The following NRXN3 variants were observed in gnomAD, a reference collection of about 807,000 sequenced individuals.
NRXN3 encodes the protein neurexin 3, also known as neurexin III.
In NRXN3, 32 loss-of-function variants were observed where a neutral mutation model predicts 137.6. The observed-to-expected ratio is 0.23, with a 90% confidence interval of 0.18 to 0.31. The LOEUF (loss-of-function observed/expected upper bound fraction) is 0.31, where lower values mean the gene tolerates loss of function less well. NRXN3 is among the 10% of genes least tolerant of loss of function. NRXN3 has a pLI of 1.00. For synonymous variants in NRXN3, 798 were observed against 784.5 expected (o/e 1.02, Z -0.29); for missense variants, 1,574 against 2,062.5 (o/e 0.76, Z 4.59).
intron 15 of NRXN3, among the ~76,000 whole-genome samples, chr14:79,319,273 C>A (rs74069728): frequency 6.6e-6 from 1 of 152,100 alleles, no homozygotes; most frequent in Non-Finnish European, 1.5e-5. Context: ...AAAATTCTGA[C>A]TGATCATTTC....
In NRXN3 at chr14:79,866,825, A is replaced by T. The variant is rs930244797; in HGVS notation, c.*4861A>T. 6.6e-6 allele frequency: 1 copy of T among 152,202 alleles called. No individual in the cohort carries two copies. The highest frequency in any genetic ancestry group is 1.5e-5 in the Non-Finnish European group (1 of 68,044). The allele number at this position is 152,202 out of a possible 1,614,324, so 9.4% of individuals were successfully genotyped here. ...TGGGATCAGAAACTGACATATTGCTACAGAGGTTACAAAAGCTGTAGTCAG... is the reference window on the plus strand; with the variant it reads ...TGGGATCAGAAACTGACATATTGCTTCAGAGGTTACAAAAGCTGTAGTCAG... On this transcript the variant is annotated 3_prime_UTR_variant, in exon 21 of 21. Coordinates refer to ENST00000335750, the MANE Select transcript of NRXN3 (RefSeq NM_001330195.2).
intron 15 of NRXN3, among the ~76,000 whole-genome samples, chr14:79,162,108 GT>G (rs3035610): frequency 0.44 from 65,187 of 147,290 alleles, 15,286 homozygotes; most frequent in African/African-American, 0.58. Context: ...TTTTGTTTTT[GT>G]TTTTTTTTTT....
chr14:79,126,745 G>A (rs1291275220), intron 15 of NRXN3, among the ~76,000 whole-genome samples: 13 of 152,206 alleles, frequency 8.5e-5, no homozygotes, highest in South Asian at 6.2e-4. Flanking sequence ...CTGAGGAATC[G>A]CCACACTGAC....
chr14:78,568,659 C>A (rs1425096754), intron 4 of NRXN3, among the ~76,000 whole-genome samples: 1 of 152,184 alleles, frequency 6.6e-6, no homozygotes, highest in Non-Finnish European at 1.5e-5. Flanking sequence ...ATCTTACAAG[C>A]AATATGTCTT....
chr14:79,452,344 G>A (rs1419096027), intron 15 of NRXN3, among the ~76,000 whole-genome samples: 1 of 152,128 alleles, frequency 6.6e-6, no homozygotes, highest in African/African-American at 2.4e-5. Flanking sequence ...AGACTGGTGT[G>A]TCTGAATACA....
chr14:78,586,289 T>TAAGAGGCAA (rs2097061485), intron 4 of NRXN3, among the ~76,000 whole-genome samples: 2 of 152,150 alleles, frequency 1.3e-5, no homozygotes, highest in Admixed American at 1.3e-4. Flanking sequence ...ATCAAGGAGA[T>TAAGAGGCAA]AAGAGGCATC....
rs540082435 is a variant in NRXN3 at position 79,349,300 on chromosome 14, A to T, written c.3263-117921A>T. ...CTTTTGTAAGGTCTCCGGAATCTTT[A>T]AAAAAAATCTATTTAATTATTGATA... is the stretch of plus-strand genomic sequence containing the variant. On this transcript the variant is annotated intron_variant, in intron 15 of 20. Transcript: ENST00000335750. 3.5e-5 allele frequency among the ~76,000 whole-genome samples: 5 copies of T among 144,866 alleles called. No homozygotes were observed. In the East Asian group the frequency reaches 5.8e-4, roughly 17 times the overall value.
intron 17 of NRXN3, among the ~76,000 whole-genome samples, chr14:79,675,065 G>A (rs1378876431): frequency 2.0e-5 from 3 of 151,994 alleles, no homozygotes; most frequent in Non-Finnish European, 4.4e-5. Context: ...CCATTTTAGA[G>A]ATGAGGAAAC....
chr14:78,358,084 A>T (rs2084595089), intron 4 of NRXN3, among the ~76,000 whole-genome samples: 4 of 151,960 alleles, frequency 2.6e-5, no homozygotes, highest in Non-Finnish European at 1.5e-5. Context: ...CCTGGGCACT[A>T]CTCTTACTGG....
intron 6 of NRXN3, among the ~76,000 whole-genome samples, chr14:78,656,784 C>G (rs1601969883): frequency 6.6e-6 from 1 of 152,250 alleles, no homozygotes; most frequent in Non-Finnish European, 1.5e-5. Flanking sequence ...TGGCTTACGC[C>G]TGTAATCCCA....
At chr14:78,212,742 G>T (rs2062865374) in intron 1 of NRXN3, among the ~76,000 whole-genome samples, 1 of 152,134 alleles carries the variant, frequency 6.6e-6, no homozygotes, top group Non-Finnish European at 1.5e-5. Context: ...CAGATCTTTA[G>T]TTGTTTTTAA....
At chr14:78,882,944 G>T (rs1177945818) in intron 10 of NRXN3, among the ~76,000 whole-genome samples, 1 of 148,272 alleles carries the variant, frequency 6.7e-6, no homozygotes. Flanking sequence ...TCATGGGAGT[G>T]GTTACCCTCA....
intron 4 of NRXN3, among the ~76,000 whole-genome samples, chr14:78,308,935 A>G (rs1199619860): frequency 1.3e-5 from 2 of 152,118 alleles, no homozygotes; most frequent in Non-Finnish European, 2.9e-5. Context: ...TTCTATTATT[A>G]GTGATATCTC....
chr14:78,935,212 T>C (rs1391965083), intron 10 of NRXN3, among the ~76,000 whole-genome samples: 3 of 152,128 alleles, frequency 2.0e-5, no homozygotes, highest in Non-Finnish European at 2.9e-5. Flanking sequence ...GAGGTTGTAG[T>C]AGTTTGCAGA....
chr14:79,520,929 A>C (rs1258412542), intron 16 of NRXN3, among the ~76,000 whole-genome samples: 1 of 152,208 alleles, frequency 6.6e-6, no homozygotes, highest in Non-Finnish European at 1.5e-5. Flanking sequence ...ATATACCCAA[A>C]GGATTATAAA....
At chr14:79,640,585 T>A (rs2098427164) in intron 16 of NRXN3, among the ~76,000 whole-genome samples, 1 of 135,640 alleles carries the variant, frequency 7.4e-6, no homozygotes, top group African/African-American at 2.5e-5. Flanking sequence ...TGCAAAGTCC[T>A]TTATGCAGTA....
intron 19 of NRXN3, among the ~76,000 whole-genome samples, chr14:79,775,358 C>G (rs1182800581): frequency 1.3e-5 from 2 of 151,854 alleles, no homozygotes; most frequent in African/African-American, 4.8e-5. Context: ...ACATATACAC[C>G]AAACCCAGAA....
intron 10 of NRXN3, among the ~76,000 whole-genome samples, chr14:78,887,345 A>T (rs116032580): frequency 2.0e-3 from 308 of 152,192 alleles, no homozygotes; most frequent in African/African-American, 7.1e-3. Context: ...TGTTTAGGCT[A>T]TTGAGAGAGA....
Position 78,419,279 on chromosome 14 carries a change from C to T in NRXN3, c.757+121419C>T, listed in dbSNP as rs559674092. The stretch of plus-strand genomic sequence containing the variant: ...TTTTTGATAGGGTCTCACTCTGTCA[C>T]CCAGGCTGGAGTACAGTGGTGTGAT... On this transcript the variant is annotated intron_variant, in intron 4 of 20. Transcript: ENST00000335750. Among the ~76,000 whole-genome samples the T allele has an allele frequency of 6.5e-4, 99 of 152,222 alleles. No individual in the cohort carries two copies. In the Middle Eastern group the frequency reaches 0.017, roughly 26 times the overall value.
Sources: allele counts gnomAD v4.1 joint callset (sites outside exome capture counted in the v4.1 genomes callset), GRCh38; gene constraint gnomAD v4.1.1; transcripts MANE v1.5; gene names NCBI Gene and HGNC (gene_info 2026-07-23, HGNC 2026-07-21).